DIAPH3: variants seen among roughly 807,000 people sequenced by gnomAD.
DIAPH3 encodes the protein diaphanous related formin 3.
In DIAPH3, 117 loss-of-function variants were observed where a neutral mutation model predicts 144.3. The observed-to-expected ratio is 0.81, with a 90% CI of 0.70 to 0.95. The LOEUF is 0.95. Ranked by LOEUF, DIAPH3 falls within the 40% of genes least tolerant of loss-of-function variation. The pLI, the probability that DIAPH3 is intolerant of heterozygous loss-of-function variation, is 0.00. For synonymous variants in DIAPH3, 519 were observed against 488.9 expected, an observed-to-expected ratio of 1.06 and a Z score of -0.81; for missense variants, 1,421 against 1,412.7, an observed-to-expected ratio of 1.01 and a Z score of -0.09.
intron 5 of DIAPH3, among the ~76,000 whole-genome samples, chr13:60,040,751 CCATA>C (rs1566698935): frequency 1.3e-5 from 2 of 152,104 alleles, no homozygotes; most frequent in Admixed American, 6.6e-5. Context: ...TGTTTAAACT[CCATA>C]GAAATACGAT....
chr13:59,753,909 C>A (rs1016139687), intron 27 of DIAPH3, among the ~76,000 whole-genome samples: 2 of 152,108 alleles, frequency 1.3e-5, no homozygotes, highest in African/African-American at 4.8e-5. Flanking sequence ...AATCAAAGAA[C>A]AAAAGAAGAT....
At chr13:59,938,642 C>T (rs1259967250) in intron 17 of DIAPH3, among the ~76,000 whole-genome samples, 1 of 151,998 alleles carries the variant, frequency 6.6e-6, no homozygotes, top group Non-Finnish European at 1.5e-5. Flanking sequence ...ATGCCCAGCT[C>T]ACATACAGAC....
At chr13:59,923,186 C>T (rs562898865) in intron 18 of DIAPH3, among the ~76,000 whole-genome samples, 80 of 152,296 alleles carry the variant, frequency 5.3e-4, no homozygotes, top group African/African-American at 1.5e-3. Context: ...TAACTTACCA[C>T]AGCTGACCCA....
intron 12 of DIAPH3, among the ~76,000 whole-genome samples, chr13:59,989,185 A>C (rs2051634546): frequency 1.3e-5 from 2 of 151,876 alleles, no homozygotes; most frequent in South Asian, 2.1e-4. Flanking sequence ...GGTCCTTCTG[A>C]GGTAGATGAA....
chr13:59,882,305 G>A (rs1197844747), intron 20 of DIAPH3, among the ~76,000 whole-genome samples: 1 of 152,064 alleles, frequency 6.6e-6, no homozygotes, highest in Non-Finnish European at 1.5e-5. Context: ...GTTCAGGCTG[G>A]TCTCTAACTT....
intron 27 of DIAPH3, among the ~76,000 whole-genome samples, chr13:59,747,241 G>A (rs2036753687): frequency 2.0e-5 from 3 of 152,276 alleles, no homozygotes; most frequent in African/African-American, 4.8e-5. Context: ...ACTGAAACAT[G>A]TGCACTTAGG....
chr13:59,728,382 T>C (rs1265712991), intron 27 of DIAPH3, among the ~76,000 whole-genome samples: 1 of 151,902 alleles, frequency 6.6e-6, no homozygotes, highest in Non-Finnish European at 1.5e-5. Context: ...TGGAAATAAT[T>C]AGGAAAAAGA....
At chr13:60,012,878 G>T (rs1594333196) in intron 7 of DIAPH3, 2 of 501,692 alleles carry the variant, frequency 4.0e-6, no homozygotes, top group Non-Finnish European at 5.2e-6. Context: ...TCTGATTTTG[G>T]TAATGCAAAA....
intron 25 of DIAPH3, among the ~76,000 whole-genome samples, chr13:59,802,384 C>A (rs55972317): frequency 1.3e-5 from 2 of 151,760 alleles, no homozygotes; most frequent in African/African-American, 4.8e-5. Flanking sequence ...ATTAAGTTTT[C>A]TCTGACAATT....
intron 4 of DIAPH3, among the ~76,000 whole-genome samples, chr13:60,083,976 A>G (rs1160673441): frequency 6.6e-6 from 1 of 151,190 alleles, no homozygotes; most frequent in African/African-American, 2.4e-5. Flanking sequence ...CTATAGTCTG[A>G]GGATGCACTT....
chr13:60,141,463 G>A (rs1566818058), intron 1 of DIAPH3, among the ~76,000 whole-genome samples: 2 of 152,252 alleles, frequency 1.3e-5, no homozygotes, highest in East Asian at 1.9e-4. Flanking sequence ...AATGGTGATT[G>A]GAAGAAAAGC....
intron 25 of DIAPH3, among the ~76,000 whole-genome samples, chr13:59,793,885 C>G (rs1433218468): frequency 6.6e-6 from 1 of 152,176 alleles, no homozygotes; most frequent in Non-Finnish European, 1.5e-5. Flanking sequence ...CTAGCCCCTT[C>G]CTACTCACTA....
At chr13:59,693,725 G>A (rs1033389084) in intron 27 of DIAPH3, among the ~76,000 whole-genome samples, 6 of 152,062 alleles carry the variant, frequency 3.9e-5, no homozygotes, top group Admixed American at 2.0e-4. Flanking sequence ...GAAAATTATT[G>A]TAAAATGATA....
intron 3 of DIAPH3, among the ~76,000 whole-genome samples, chr13:60,105,099 C>CAAAAAAAAAAAAAAAAAAAA (rs60853102): frequency 4.5e-4 from 19 of 41,822 alleles, no homozygotes; most frequent in East Asian, 2.1e-3. Flanking sequence ...GACACGATCT[C>CAAAAAAAAAAAAAAAAAAAA]AAAAAAAAAA....
At position 59,916,938 on chromosome 13, in the gene DIAPH3, A is replaced by G. The variant is rs537249893; in HGVS notation, c.2171-689T>C. ...GATGGCTCTTATATCAACTATTATA[A>G]TGATTTTTTCAAAAGTTACTGAAGT... On this transcript the variant is annotated intron_variant, in intron 18 of 27. Transcript: ENST00000400324. 2.0e-5 allele frequency among the ~76,000 whole-genome samples: 3 copies of G among 152,296 alleles called. No homozygotes were observed. The South Asian group carries it at 6.2e-4, about 32-fold the overall frequency.
chr13:59,858,724 T>C (rs1487499171), intron 22 of DIAPH3, among the ~76,000 whole-genome samples: 3 of 152,202 alleles, frequency 2.0e-5, no homozygotes, highest in African/African-American at 7.2e-5. Flanking sequence ...GAAAAATGTA[T>C]TGAACCTTAG....
chr13:59,941,686 A>G (rs1190175797), intron 17 of DIAPH3, among the ~76,000 whole-genome samples: 1 of 152,190 alleles, frequency 6.6e-6, no homozygotes, highest in African/African-American at 2.4e-5. Context: ...GAGTCAGCGG[A>G]CATATTTTCA....
At chr13:60,047,589 T>C (rs923791660) in intron 4 of DIAPH3, among the ~76,000 whole-genome samples, 2 of 152,168 alleles carry the variant, frequency 1.3e-5, no homozygotes, top group African/African-American at 4.8e-5. Context: ...CTTCAACAAA[T>C]GGTGCTAGAA....
intron 17 of DIAPH3, among the ~76,000 whole-genome samples, chr13:59,936,687 T>C (rs1301654931): frequency 6.6e-6 from 1 of 152,146 alleles, no homozygotes; most frequent in Non-Finnish European, 1.5e-5. Context: ...GAAGGAAAAC[T>C]GAATCCTGTT....
Sources: gnomAD v4.1 joint callset for allele counts (sites outside exome capture counted in the v4.1 genomes callset) on GRCh38, gnomAD v4.1.1 for gene constraint, MANE v1.5 for transcripts, NCBI Gene and HGNC (gene_info 2026-07-23, HGNC 2026-07-21) for gene names.